IPCEF1: variants seen among roughly 807,000 people sequenced by gnomAD.
IPCEF1 encodes interactor protein for cytohesin exchange factors 1.
In IPCEF1, 31 loss-of-function variants were observed where a neutral mutation model predicts 50.9. The observed-to-expected ratio is 0.61, with a 90% CI of 0.46 to 0.82. IPCEF1 has a LOEUF of 0.82. Among genes scored for constraint, IPCEF1 ranks in the 40% least tolerant of loss-of-function variants. The pLI, the probability that IPCEF1 is intolerant of heterozygous loss-of-function variation, is 0.00. For missense variants in IPCEF1, 458 were observed against 514.0 expected (o/e 0.89, Z 1.05); for synonymous variants, 181 against 192.0 (o/e 0.94, Z 0.47).
intron 3 of IPCEF1, among the ~76,000 whole-genome samples, chr6:154,252,149 T>G (rs999122810): frequency 6.6e-6 from 1 of 152,176 alleles, no homozygotes; most frequent in African/African-American, 2.4e-5. Flanking sequence ...GTCTCATGTT[T>G]TGGTCAGATC....
chr6:154,333,352 C>T (rs1783714042), intron 1 of IPCEF1, among the ~76,000 whole-genome samples: 1 of 151,716 alleles, frequency 6.6e-6, no homozygotes, highest in African/African-American at 2.4e-5. Flanking sequence ...AGCAGGCAGA[C>T]AAATATGAAA....
At chr6:154,291,749 A>G (rs1203183690) in intron 1 of IPCEF1, among the ~76,000 whole-genome samples, 3 of 148,388 alleles carry the variant, frequency 2.0e-5, no homozygotes, top group African/African-American at 7.5e-5. Flanking sequence ...CCGTGGCACA[A>G]TCTCGGCTCA....
At chr6:154,304,493 T>TA (rs35482213) in intron 1 of IPCEF1, among the ~76,000 whole-genome samples, 33,816 of 152,150 alleles carry the variant, frequency 0.22, 4,185 homozygotes, top group East Asian at 0.36. Flanking sequence ...TCCCAACTCA[T>TA]AGCCCATCAC....
chr6:154,188,918 G>A (rs968531995), intron 10 of IPCEF1, among the ~76,000 whole-genome samples: 1 of 151,600 alleles, frequency 6.6e-6, no homozygotes, highest in Non-Finnish European at 1.5e-5. Context: ...CCAGTGTAGG[G>A]AGAAATTTCT....
At chr6:154,332,175 T>G (rs1783687220) in intron 1 of IPCEF1, among the ~76,000 whole-genome samples, 2 of 152,296 alleles carry the variant, frequency 1.3e-5, no homozygotes, top group South Asian at 4.1e-4. Flanking sequence ...ATAATTTTTA[T>G]TAAGTCACAT....
Position 154,214,232 on chromosome 6 carries a change from G to A in IPCEF1, c.437C>T (p.Thr146Ile), listed in dbSNP as rs747786460. 4 of 1,607,674 alleles carry A rather than the reference G, an allele frequency of 2.5e-6. No individual in the cohort carries two copies. The Admixed American group carries it at 6.7e-5, about 27-fold the overall frequency. The change falls in exon 8 of 12, where the codon ACT (threonine) becomes ATT (isoleucine). Residue 146 changes from threonine to isoleucine, a missense_variant. Coordinates refer to ENST00000367220, the MANE Select transcript of IPCEF1 (RefSeq NM_001130700.2). ...ATAGAACATACCTTCATCCTTTGTA[G>A]TGGATTCCTGATGGATTACAGCCGA... ...LGSAVIHQESTTKDEECYSES... is the reference protein window; with the variant it reads ...LGSAVIHQESITKDEECYSES...
At chr6:154,309,684 T>C (rs540797940) in intron 1 of IPCEF1, among the ~76,000 whole-genome samples, 1 of 152,224 alleles carries the variant, frequency 6.6e-6, no homozygotes, top group Admixed American at 6.5e-5. Flanking sequence ...TCCTCTTTGA[T>C]CCACAATCTT....
intron 7 of IPCEF1, among the ~76,000 whole-genome samples, chr6:154,218,528 C>T (rs1181367090): frequency 6.6e-6 from 1 of 152,162 alleles, no homozygotes; most frequent in African/African-American, 2.4e-5. Flanking sequence ...CACTCCCTCC[C>T]CCACACCTCT....
intron 10 of IPCEF1, among the ~76,000 whole-genome samples, chr6:154,181,206 T>A (rs1430828804): frequency 6.6e-6 from 1 of 152,146 alleles, no homozygotes. Context: ...GGATAACTCA[T>A]TTTAGTAGTG....
intron 2 of IPCEF1, among the ~76,000 whole-genome samples, chr6:154,279,434 T>C (rs1413498917): frequency 1.3e-5 from 2 of 152,258 alleles, no homozygotes; most frequent in African/African-American, 4.8e-5. Context: ...CCATTCGTTA[T>C]CTTCATTATT....
At chr6:154,291,392 T>C (rs995692657) in intron 1 of IPCEF1, among the ~76,000 whole-genome samples, 3 of 152,168 alleles carry the variant, frequency 2.0e-5, no homozygotes, top group African/African-American at 7.2e-5. Flanking sequence ...AGTACTTGGA[T>C]TTTTTTCTTT....
At chr6:154,282,353 G>A (rs1782238212) in intron 2 of IPCEF1, among the ~76,000 whole-genome samples, 1 of 152,202 alleles carries the variant, frequency 6.6e-6, no homozygotes, top group East Asian at 1.9e-4. Context: ...CATCTCTTTC[G>A]CGGGACCAGA....
chr6:154,259,872 G>A lies in IPCEF1; in HGVS notation c.36+6040C>T, dbSNP rs146166402. Among the ~76,000 whole-genome samples, 88 of 152,106 alleles carry A rather than the reference G, an allele frequency of 5.8e-4. No homozygotes were observed. The East Asian group carries it at 0.012, about 21-fold the overall frequency. ...GTTTTTGACCCATGTGAAGAGCAGC[G>A]TTGGCCCCTTATTTCAACATAGGGT... is the stretch of plus-strand genomic sequence containing the variant. On this transcript the variant is annotated intron_variant, in intron 3 of 11. Transcript: ENST00000367220.
In IPCEF1 at chr6:154,293,600, A is replaced by G. The variant is rs147815228; in HGVS notation, c.-61-3844T>C. Among the ~76,000 whole-genome samples, 784 of 152,328 alleles carry G rather than the reference A, an allele frequency of 5.1e-3. 16 individuals carry two copies. The highest frequency in any genetic ancestry group is 0.02 in the East Asian group (102 of 5,186). On this transcript the variant is annotated intron_variant, in intron 1 of 11. Coordinates refer to ENST00000367220, the MANE Select transcript of IPCEF1 (RefSeq NM_001130700.2). Reference sequence around the variant, plus strand: ...TATTATTGTTACTGTCCAGTGTTCAATTTCATAAAGAAGCAGGAACAGACT... The same window carrying G: ...TATTATTGTTACTGTCCAGTGTTCAGTTTCATAAAGAAGCAGGAACAGACT...
At chr6:154,340,405 C>T (rs1584006355) in intron 1 of IPCEF1, among the ~76,000 whole-genome samples, 1 of 151,800 alleles carries the variant, frequency 6.6e-6, no homozygotes, top group Admixed American at 6.6e-5. Context: ...CGTGCACCAC[C>T]AATGCCCAGT....
At position 154,212,857 on chromosome 6, in the gene IPCEF1, T is replaced by C; in HGVS notation, c.452-2A>G. On this transcript the variant is annotated splice_acceptor_variant, in intron 8 of 11. Coordinates refer to ENST00000367220, the MANE Select transcript of IPCEF1 (RefSeq NM_001130700.2). LOFTEE classifies it high-confidence loss of function. ...CCTGTTCACTTTCACTGTAACATTCTATAACAAAAATGAAAATGCTTAATG... is the reference window on the plus strand; with the variant it reads ...CCTGTTCACTTTCACTGTAACATTCCATAACAAAAATGAAAATGCTTAATG... 6.2e-7 allele frequency: 1 copy of C among 1,604,054 alleles called. No individual in the cohort carries two copies. The highest frequency in any genetic ancestry group is 8.5e-7 in the Non-Finnish European group (1 of 1,170,900).
At chr6:154,354,831 A>G (rs922588377) in intron 1 of IPCEF1, among the ~76,000 whole-genome samples, 9 of 152,170 alleles carry the variant, frequency 5.9e-5, no homozygotes, top group African/African-American at 2.2e-4. Context: ...AGATAAAGCA[A>G]TGGCTTTCCT....
At chr6:154,171,400 G>A (rs1450093996) in intron 10 of IPCEF1, among the ~76,000 whole-genome samples, 1 of 152,126 alleles carries the variant, frequency 6.6e-6, no homozygotes, top group Non-Finnish European at 1.5e-5. Flanking sequence ...CCATTTATAT[G>A]AAATGTCCAG....
At chr6:154,241,102 G>T (rs1780543256) in intron 5 of IPCEF1, among the ~76,000 whole-genome samples, 1 of 151,946 alleles carries the variant, frequency 6.6e-6, no homozygotes, top group Non-Finnish European at 1.5e-5. Context: ...TGGGCGTGGT[G>T]GTGCACGCCT....
Sources: gnomAD v4.1 joint callset for allele counts (sites outside exome capture counted in the v4.1 genomes callset) on GRCh38, gnomAD v4.1.1 for gene constraint, MANE v1.5 for transcripts, NCBI Gene and HGNC (gene_info 2026-07-23, HGNC 2026-07-21) for gene names.